ZNF589: variants seen among roughly 807,000 people sequenced by gnomAD.
The protein encoded by ZNF589 is KRAB-zinc finger protein SZF1-1.
A neutral mutation model predicts 13.6 loss-of-function variants in ZNF589; 17 were observed. The ratio of observed to expected loss-of-function variants is 1.25; its 90% CI spans 0.86 to 1.88. ZNF589 has a LOEUF of 1.88. Among genes scored for constraint, ZNF589 ranks in the 40% most tolerant of loss-of-function variants. ZNF589 has a pLI of 0.00. For missense variants in ZNF589, 407 were observed against 434.0 expected (o/e 0.94, Z 0.55); for synonymous variants, 148 against 161.6 (o/e 0.92, Z 0.64).
chr3:48,248,688 A>G (rs1206296318), intron 2 of ZNF589, among the ~76,000 whole-genome samples: 2 of 152,208 alleles, frequency 1.3e-5, no homozygotes, highest in African/African-American at 4.8e-5. Context: ...TCTTTAGGAA[A>G]TGATGCATAG....
Position 48,270,434 on chromosome 3 carries a change from A to G in ZNF589, c.*1648A>G. The G allele has an allele frequency of 5.5e-6, 2 of 360,500 alleles. No homozygotes were observed. The highest frequency in any genetic ancestry group is 2.1e-5 in the South Asian group (1 of 47,022). The allele number at this position is 360,500 out of a possible 1,614,324, so 22.3% of individuals were successfully genotyped here. A position where few individuals can be genotyped will look rare whatever the true frequency, so the allele number is the denominator to read the frequency against. On this transcript the variant is annotated 3_prime_UTR_variant, in exon 4 of 4. Coordinates refer to ENST00000354698, the MANE Select transcript of ZNF589 (RefSeq NM_016089.3). ...AGCTCCTCTTAAATCCTCCAATCTCAGTACCCAGTGTTTTAGCCATGCTCG... is the reference window on the plus strand; with the variant it reads ...AGCTCCTCTTAAATCCTCCAATCTCGGTACCCAGTGTTTTAGCCATGCTCG...
rs1278309996 is a variant in ZNF589 at position 48,269,624 on chromosome 3, T to C, written c.*838T>C. ...GGAGAAGCCTTATGCATGCGTGGAG[T>C]GTGGGCAAAGCTTTAGGAGAAAGTC... On this transcript the variant is annotated 3_prime_UTR_variant, in exon 4 of 4. Transcript: ENST00000354698. 3 of 335,144 alleles carry C rather than the reference T, an allele frequency of 9.0e-6. No homozygotes were observed. The highest frequency in any genetic ancestry group is 1.8e-5 in the Non-Finnish European group (3 of 170,496). The allele number at this position is 335,144 out of a possible 1,614,324, so 20.8% of individuals were successfully genotyped here. A position where few individuals can be genotyped will look rare whatever the true frequency, so the allele number is the denominator to read the frequency against.
At position 48,241,142 on chromosome 3, in the gene ZNF589, C is replaced by T. The variant is rs1416869767; in HGVS notation, c.-30C>T. ...CGTTTCACACACGGTGCTGCTACCT[C>T]GTTTGCTTCGTGCGTGCGTGCGCGC... is the stretch of plus-strand genomic sequence containing the variant. On this transcript the variant is annotated 5_prime_UTR_variant, in exon 1 of 4. Transcript: ENST00000354698. 4 of 1,603,358 alleles carry T rather than the reference C, an allele frequency of 2.5e-6. No homozygotes were observed. Among genetic ancestry groups the T allele is most frequent in the East Asian group, 2.2e-5 (1 of 44,810 alleles).
In ZNF589 at chr3:48,268,403, G is replaced by T. The variant is rs917261067; in HGVS notation, c.712G>T (p.Ala238Ser). The T allele has an allele frequency of 6.2e-7, 1 of 1,614,206 alleles. No homozygotes were observed. Among genetic ancestry groups the T allele is most frequent in the South Asian group, 1.1e-5 (1 of 91,078 alleles). ...SNLFRQKAVT[A>S]EKSSDKRQSQ... ...CCTGTTCAGACAGAAGGCAGTCACAGCAGAAAAATCTTCAGACAAAAGGCA... is the reference window on the plus strand; with the variant it reads ...CCTGTTCAGACAGAAGGCAGTCACATCAGAAAAATCTTCAGACAAAAGGCA... Residue 238 changes from alanine to serine, a missense_variant, in exon 4 of 4, where the codon GCA becomes TCA. By Grantham distance (99) the Ala-to-Ser change is moderately conservative. Transcript: ENST00000354698.
intron 2 of ZNF589, chr3:48,257,090 C>T (rs574549784): frequency 4.5e-5 from 21 of 471,876 alleles, no homozygotes; most frequent in African/African-American, 4.0e-4. Flanking sequence ...TATTGTATCT[C>T]TGTGAGATAT....
At chr3:48,250,418 C>T (rs1223592115) in intron 2 of ZNF589, among the ~76,000 whole-genome samples, 1 of 150,156 alleles carries the variant, frequency 6.7e-6, no homozygotes, top group Non-Finnish European at 1.5e-5. Flanking sequence ...TCTCAAAGTG[C>T]TGGGATTACA....
chr3:48,268,952 T>A lies in ZNF589; in HGVS notation c.*166T>A. On this transcript the variant is annotated 3_prime_UTR_variant, in exon 4 of 4. Coordinates refer to ENST00000354698, the MANE Select transcript of ZNF589 (RefSeq NM_016089.3). ...GGTGAAACCTCACGTGTGTGAGGAG[T>A]GTGGGCATGGATTTAGCCAGAAGTC... The A allele has an allele frequency of 9.6e-7, 1 of 1,040,212 alleles. No homozygotes were observed. Among genetic ancestry groups the A allele is most frequent in the Non-Finnish European group, 1.4e-6 (1 of 712,318 alleles). The allele number at this position is 1,040,212 out of a possible 1,614,324, so 64.4% of individuals were successfully genotyped here.
chr3:48,243,392 A>T (rs575775352), intron 1 of ZNF589, among the ~76,000 whole-genome samples: 1 of 152,292 alleles, frequency 6.6e-6, no homozygotes, highest in South Asian at 2.1e-4. Context: ...GCCATTGTTC[A>T]GCATGTAGCT....
At chr3:48,267,852 A>G (rs2034036074) in intron 3 of ZNF589, 63 bp from the exon 4 acceptor site, 1 of 1,503,040 alleles carries the variant, frequency 6.7e-7, no homozygotes, top group Admixed American at 2.2e-5. Context: ...AGGTCTTATC[A>G]TAAAACAAGA....
intron 1 of ZNF589, among the ~76,000 whole-genome samples, chr3:48,246,644 C>T (rs1259546102): frequency 6.6e-6 from 1 of 151,820 alleles, no homozygotes; most frequent in Non-Finnish European, 1.5e-5. Context: ...CATTAAATCA[C>T]AGACTTCTGT....
rs569687038 is a variant in ZNF589 at position 48,249,106 on chromosome 3, T to C, written c.96+1429T>C. 1.6e-3 allele frequency among the ~76,000 whole-genome samples: 224 copies of C among 137,410 alleles called. 1 individual carries two copies. The highest frequency in any genetic ancestry group is 5.7e-3 in the African/African-American group (212 of 37,182). 90.1% of individuals were successfully genotyped at this position (137,410 alleles called of 152,430 possible). ...CCTTCTCTGCCCCAACCTTTTTTTT[T>C]CTTTTTTTTTTTTGAGACAGAGTTT... On this transcript the variant is annotated intron_variant, in intron 2 of 3. Coordinates refer to ENST00000354698, the MANE Select transcript of ZNF589 (RefSeq NM_016089.3).
At chr3:48,267,189 A>T (rs548192261) in intron 3 of ZNF589, among the ~76,000 whole-genome samples, 1 of 152,224 alleles carries the variant, frequency 6.6e-6, no homozygotes, top group African/African-American at 2.4e-5. Flanking sequence ...TTGGTCCTCC[A>T]ATCCAAGACC....
Position 48,266,547 on chromosome 3 carries a change from C to T in ZNF589, c.224-1368C>T, listed in dbSNP as rs1325473059. On this transcript the variant is annotated intron_variant, in intron 3 of 3. Transcript: ENST00000354698. ...GTGGGTGACTAAAGCCAAATAGGGC[C>T]GGGCGCCGTGGCTCACGCCTGTAAT... Among the ~76,000 whole-genome samples the T allele has an allele frequency of 5.3e-5, 8 of 152,150 alleles. 1 individual carries two copies. Among genetic ancestry groups the T allele is most frequent in the South Asian group, 4.1e-4 (2 of 4,830 alleles).
In ZNF589 at chr3:48,269,323, C is replaced by T; in HGVS notation, c.*537C>T. The T allele has an allele frequency of 2.2e-6, 3 of 1,365,240 alleles. No individual in the cohort carries two copies. In the Admixed American group the frequency reaches 5.8e-5, roughly 27 times the overall value. The allele number at this position is 1,365,240 out of a possible 1,614,324, so 84.6% of individuals were successfully genotyped here. A position where few individuals can be genotyped will look rare whatever the true frequency, so the allele number is the denominator to read the frequency against. On this transcript the variant is annotated 3_prime_UTR_variant, in exon 4 of 4. Coordinates refer to ENST00000354698, the MANE Select transcript of ZNF589 (RefSeq NM_016089.3). Reference sequence around the variant, plus strand: ...GCTTTATAGCTCAGTCAACCCTCCACTACCACCGGAGTACACACTCCAAGG... The same window carrying T: ...GCTTTATAGCTCAGTCAACCCTCCATTACCACCGGAGTACACACTCCAAGG...
chr3:48,262,005 C>T (rs1321735623), intron 3 of ZNF589, among the ~76,000 whole-genome samples: 4 of 152,016 alleles, frequency 2.6e-5, no homozygotes, highest in Non-Finnish European at 4.4e-5. Context: ...TAATCTTGAC[C>T]CTGAAACTTT....
rs181789306 is a variant in ZNF589, at chr3:48,253,273, C to T, written c.96+5596C>T. Among the ~76,000 whole-genome samples the T allele has an allele frequency of 2.6e-4, 40 of 152,292 alleles. No individual in the cohort carries two copies. In the Middle Eastern group the frequency reaches 0.017, roughly 65 times the overall value. On this transcript the variant is annotated intron_variant, in intron 2 of 3. Coordinates refer to ENST00000354698, the MANE Select transcript of ZNF589 (RefSeq NM_016089.3). ...CCCAAATTTCTGACCTCAAGTGATC[C>T]ACCTGCCTTGGCTTCCCAAAGTGCT...
At chr3:48,252,713 C>G (rs1186960261) in intron 2 of ZNF589, among the ~76,000 whole-genome samples, 1 of 150,148 alleles carries the variant, frequency 6.7e-6, no homozygotes, top group African/African-American at 2.5e-5. Context: ...GCTCCGCCCC[C>G]TGGGGTTCAC....
intron 2 of ZNF589, among the ~76,000 whole-genome samples, chr3:48,250,076 C>T (rs138483413): frequency 0.014 from 2,172 of 150,690 alleles, 29 homozygotes; most frequent in Non-Finnish European, 0.021. Context: ...TGCAGTGAGC[C>T]GAGATCGAGC....
At chr3:48,242,412 C>T (rs554697499) in intron 1 of ZNF589, among the ~76,000 whole-genome samples, 84 of 152,106 alleles carry the variant, frequency 5.5e-4, no homozygotes, top group African/African-American at 1.9e-3. Context: ...ACACCCGGCC[C>T]CAAATGACTT....
Sources: allele counts gnomAD v4.1 joint callset (sites outside exome capture counted in the v4.1 genomes callset), GRCh38; gene constraint gnomAD v4.1.1; transcripts MANE v1.5; gene names NCBI Gene and HGNC (gene_info 2026-07-23, HGNC 2026-07-21).